ATP9A: variants seen among roughly 807,000 people sequenced by gnomAD.
The protein encoded by ATP9A is ATPase phospholipid transporting 9A.
Under a neutral mutation model 144.1 loss-of-function variants are expected in ATP9A, and 52 were observed. The ratio of observed to expected loss-of-function variants is 0.36; its 90% confidence interval spans 0.29 to 0.45. The LOEUF (loss-of-function observed/expected upper bound fraction) is 0.45, where lower values mean the gene tolerates loss of function less well. Ranked by LOEUF, ATP9A falls within the 20% of genes least tolerant of loss-of-function variation. ATP9A has a pLI of 1.00. For missense variants in ATP9A, 947 were observed against 1,392.7 expected, an observed-to-expected ratio of 0.68 and a Z score of 5.09; for synonymous variants, 582 against 557.4, an observed-to-expected ratio of 1.04 and a Z score of -0.62.
intron 1 of ATP9A, among the ~76,000 whole-genome samples, chr20:51,767,502 A>T (rs1010020058): frequency 1.3e-5 from 2 of 151,872 alleles, no homozygotes; most frequent in Non-Finnish European, 2.9e-5. Context: ...GAACAGGAAG[A>T]CGGCGAGGCG....
chr20:51,702,787 G>A (rs1199154085), intron 4 of ATP9A, among the ~76,000 whole-genome samples: 1 of 152,114 alleles, frequency 6.6e-6, no homozygotes, highest in East Asian at 1.9e-4. Flanking sequence ...AAAAGGGGAA[G>A]AACAAGATAC....
chr20:51,615,335 T>G (rs1018888481), intron 22 of ATP9A, among the ~76,000 whole-genome samples: 2 of 152,200 alleles, frequency 1.3e-5, no homozygotes, highest in African/African-American at 4.8e-5. Context: ...TTGACATTTT[T>G]CAAAATAAAA....
At chr20:51,684,769 G>C (rs1202911168) in intron 9 of ATP9A, among the ~76,000 whole-genome samples, 1 of 150,866 alleles carries the variant, frequency 6.6e-6, no homozygotes, top group Non-Finnish European at 1.5e-5. Flanking sequence ...CCAGCACTTT[G>C]GTAGGCTGAG....
At position 51,598,880 on chromosome 20, in the gene ATP9A, T is replaced by C. The variant is rs1301353875; in HGVS notation, c.*2331A>G. On this transcript the variant is annotated 3_prime_UTR_variant, in exon 28 of 28. Transcript: ENST00000338821. ...ACTTGAGTGTCGGTACTTCTCACCC[T>C]TGACCGCCTCCGCCCCAGTGCGGCT... The C allele has an allele frequency of 6.6e-6, 1 of 152,292 alleles. No individual in the cohort carries two copies. Among genetic ancestry groups the C allele is most frequent in the Non-Finnish European group, 1.5e-5 (1 of 68,086 alleles). 9.4% of individuals were successfully genotyped at this position (152,292 alleles called of 1,614,324 possible).
At chr20:51,756,329 C>T (rs1301045101) in intron 1 of ATP9A, among the ~76,000 whole-genome samples, 1 of 150,884 alleles carries the variant, frequency 6.6e-6, no homozygotes, top group African/African-American at 2.4e-5. Flanking sequence ...CTCGCTCTGT[C>T]GCCCAGGCTG....
At chr20:51,766,211 T>C (rs980307226) in intron 1 of ATP9A, among the ~76,000 whole-genome samples, 10 of 152,150 alleles carry the variant, frequency 6.6e-5, no homozygotes, top group African/African-American at 2.4e-4. Context: ...CTTATTAAAA[T>C]ATATAGATAG....
At chr20:51,682,152 G>A (rs1052888556) in intron 9 of ATP9A, among the ~76,000 whole-genome samples, 1 of 152,062 alleles carries the variant, frequency 6.6e-6, no homozygotes, top group African/African-American at 2.4e-5. Context: ...TATGCTTACT[G>A]CCCGGGTGAC....
At chr20:51,680,322 C>A (rs2077494931) in intron 9 of ATP9A, among the ~76,000 whole-genome samples, 1 of 151,338 alleles carries the variant, frequency 6.6e-6, no homozygotes, top group Non-Finnish European at 1.5e-5. Context: ...ATCTTCTACA[C>A]ATTAGGGGAA....
At chr20:51,627,708 G>A (rs1166393488) in intron 16 of ATP9A, 25 bp from the exon 17 acceptor site, 4 of 1,605,646 alleles carry the variant, frequency 2.5e-6, no homozygotes, top group Non-Finnish European at 3.4e-6. Flanking sequence ...ACGGTCGAGT[G>A]GGAGCGGTGC....
At chr20:51,657,783 C>T (rs970405776) in intron 13 of ATP9A, among the ~76,000 whole-genome samples, 5 of 152,198 alleles carry the variant, frequency 3.3e-5, no homozygotes, top group South Asian at 4.1e-4. Flanking sequence ...TCCAGCAAGG[C>T]GTCAGGAACA....
Position 51,670,045 on chromosome 20 carries a change from G to A in ATP9A, c.1245C>T (p.Leu415=), listed in dbSNP as rs547271854. 9.3e-6 allele frequency: 15 copies of A among 1,614,046 alleles called. No individual in the cohort carries two copies. In the East Asian group the frequency reaches 1.6e-4, roughly 17 times the overall value. ...GGCTTTGTACTTCGTCCATTGAGTC[G>A]AGGCCGTAGGCTACTGTTCCGAGAT... ...RLHLGTVAYG[L]DSMDEVQSHI... is the part of the protein sequence containing the mutation. Residue 415 remains leucine (L), a synonymous_variant, in exon 13 of 28, where the codon CTC becomes CTT. Coordinates refer to ENST00000338821, the MANE Select transcript of ATP9A (RefSeq NM_006045.3).
intron 9 of ATP9A, among the ~76,000 whole-genome samples, chr20:51,687,507 C>G (rs2077528265): frequency 6.6e-6 from 1 of 152,118 alleles, no homozygotes; most frequent in African/African-American, 2.4e-5. Context: ...GTGGTTTACA[C>G]CTATGATCCC....
At chr20:51,722,421 G>T (rs909308859) in intron 3 of ATP9A, among the ~76,000 whole-genome samples, 1 of 152,202 alleles carries the variant, frequency 6.6e-6, no homozygotes, top group Non-Finnish European at 1.5e-5. Context: ...CAGAGTGGGA[G>T]AAAATCTTCA....
At chr20:51,763,527 A>T (rs772246442) in intron 1 of ATP9A, among the ~76,000 whole-genome samples, 1 of 151,766 alleles carries the variant, frequency 6.6e-6, no homozygotes, top group Non-Finnish European at 1.5e-5. Flanking sequence ...GTTAGCCAGG[A>T]TGGTCTGGAT....
rs753091907 is a variant in ATP9A at position 51,611,229 on chromosome 20, C to T, written c.2572-1064G>A. Reference sequence around the variant, plus strand: ...ACAGAGAGAAAGCATGTAAGAAACACGTGCTTTCTCGGCACAGAGCTCAGA... The same window carrying T: ...ACAGAGAGAAAGCATGTAAGAAACATGTGCTTTCTCGGCACAGAGCTCAGA... On this transcript the variant is annotated intron_variant, in intron 23 of 27. Coordinates refer to ENST00000338821, the MANE Select transcript of ATP9A (RefSeq NM_006045.3). This position sits in a 1 kb window ranked among gnomAD's most constrained non-coding sequence, Gnocchi z 4.2. Among the ~76,000 whole-genome samples the T allele has an allele frequency of 1.6e-4, 24 of 152,214 alleles. No individual in the cohort carries two copies. The highest frequency in any genetic ancestry group is 2.9e-4 in the Non-Finnish European group (20 of 68,042).
chr20:51,707,446 C>T (rs1372198900), intron 4 of ATP9A, among the ~76,000 whole-genome samples: 1 of 152,160 alleles, frequency 6.6e-6, no homozygotes, highest in African/African-American at 2.4e-5. Flanking sequence ...TGGCCTCTCT[C>T]CACCATGCCA....
intron 13 of ATP9A, among the ~76,000 whole-genome samples, chr20:51,661,245 A>G (rs2077409226): frequency 6.6e-6 from 1 of 152,188 alleles, no homozygotes; most frequent in Non-Finnish European, 1.5e-5. Context: ...TTAATACAAA[A>G]ATTAAACGTT....
intron 26 of ATP9A, among the ~76,000 whole-genome samples, chr20:51,607,013 T>C (rs1601051701): frequency 1.3e-5 from 2 of 150,890 alleles, no homozygotes; most frequent in South Asian, 2.1e-4. Flanking sequence ...GGCTTTGCCC[T>C]GTGTCTCAAA....
intron 8 of ATP9A, among the ~76,000 whole-genome samples, chr20:51,690,109 CAAAA>C (rs796336088): frequency 8.3e-5 from 5 of 59,912 alleles, no homozygotes; most frequent in South Asian, 8.3e-4. Flanking sequence ...GAGACCGTCT[CAAAA>C]AAAAAAAAAA....
Sources: gnomAD v4.1 joint callset for allele counts (sites outside exome capture counted in the v4.1 genomes callset) on GRCh38, gnomAD v4.1.1 for gene constraint, Gnocchi (gnomAD v3.1) non-coding constraint, MANE v1.5 for transcripts, NCBI Gene and HGNC (gene_info 2026-07-23, HGNC 2026-07-21) for gene names.